The following GRM1 variants were observed in gnomAD, a reference collection of about 807,000 sequenced individuals.
GRM1 encodes glutamate metabotropic receptor 1.
In GRM1, 33 loss-of-function variants were observed where a neutral mutation model predicts 90.9. The ratio of observed to expected loss-of-function variants is 0.36; its 90% CI spans 0.28 to 0.49. GRM1 has a LOEUF of 0.49. GRM1 is among the 20% of genes least tolerant of loss of function. The probability of loss-of-function intolerance (pLI) is 0.99; values close to 1 mark genes in which losing one functional copy is unlikely to be tolerated. For missense variants in GRM1, 1,190 were observed against 1,534.3 expected (o/e 0.78, Z 3.75); for synonymous variants, 700 against 613.2 (o/e 1.14, Z -2.09).
chr6:146,126,960 A>C (rs1341284436), intron 1 of GRM1, among the ~76,000 whole-genome samples: 1 of 152,182 alleles, frequency 6.6e-6, no homozygotes, highest in African/African-American at 2.4e-5. Flanking sequence ...GCCTTTTAAA[A>C]TAAAAATATA....
At chr6:146,039,478 G>A (rs1198264462) in intron 1 of GRM1, among the ~76,000 whole-genome samples, 1 of 151,902 alleles carries the variant, frequency 6.6e-6, no homozygotes, top group African/African-American at 2.4e-5. Context: ...TACTTATCAA[G>A]CCAAGAAAAT....
At chr6:146,404,429 A>G (rs1450438379) in intron 7 of GRM1, among the ~76,000 whole-genome samples, 1 of 152,292 alleles carries the variant, frequency 6.6e-6, no homozygotes, top group Non-Finnish European at 1.5e-5. Flanking sequence ...TATGTGCCAT[A>G]GTAGAAAACC....
chr6:146,322,767 C>T (rs533317323), intron 3 of GRM1, among the ~76,000 whole-genome samples: 4 of 151,832 alleles, frequency 2.6e-5, no homozygotes, highest in Admixed American at 2.6e-4. Context: ...ACCCACCCCA[C>T]AGCAGTCCCC....
chr6:146,230,758 C>A lies in GRM1; in HGVS notation c.950+71161C>A, dbSNP rs183972352. On this transcript the variant is annotated intron_variant, in intron 2 of 7. Coordinates refer to ENST00000282753, the MANE Select transcript of GRM1 (RefSeq NM_001278064.2). ...ATTTATAATTACCAAATCTTGGAAG[C>A]AATCAAGATGTCTTTTGTAGTGAAT... Among the ~76,000 whole-genome samples the A allele has an allele frequency of 4.5e-4, 69 of 152,188 alleles. No individual in the cohort carries two copies. The East Asian group carries it at 0.013, about 28-fold the overall frequency.
At chr6:146,369,654 G>T (rs1317701082) in intron 5 of GRM1, among the ~76,000 whole-genome samples, 1 of 151,666 alleles carries the variant, frequency 6.6e-6, no homozygotes, top group Non-Finnish European at 1.5e-5. Context: ...ATTGATTTCT[G>T]GTTTTATTCT....
At chr6:146,342,837 G>T (rs964481267) in intron 3 of GRM1, among the ~76,000 whole-genome samples, 2 of 152,188 alleles carry the variant, frequency 1.3e-5, no homozygotes. Flanking sequence ...AGATAGCACA[G>T]AGTTCTTGTA....
At chr6:146,046,896 A>G (rs778935533) in intron 1 of GRM1, among the ~76,000 whole-genome samples, 1 of 152,006 alleles carries the variant, frequency 6.6e-6, no homozygotes, top group East Asian at 1.9e-4. Flanking sequence ...GGGACAGGTT[A>G]CTTCCAGTAG....
intron 1 of GRM1, among the ~76,000 whole-genome samples, chr6:146,087,617 C>T (rs1330089322): frequency 6.6e-6 from 1 of 152,132 alleles, no homozygotes; most frequent in Non-Finnish European, 1.5e-5. Flanking sequence ...CATCTCTAAC[C>T]CCAGGCAACC....
chr6:146,233,425 C>G (rs1006551037), intron 2 of GRM1, among the ~76,000 whole-genome samples: 1 of 151,882 alleles, frequency 6.6e-6, no homozygotes, highest in Non-Finnish European at 1.5e-5. Context: ...TCTTTTTTTT[C>G]CCAGAGAGCT....
At chr6:146,068,499 G>C (rs1275787767) in intron 1 of GRM1, among the ~76,000 whole-genome samples, 1 of 151,936 alleles carries the variant, frequency 6.6e-6, no homozygotes, top group Admixed American at 6.6e-5. Flanking sequence ...ATTCTCCTGA[G>C]GGTAAAACTA....
chr6:146,114,695 G>T (rs754047125), intron 1 of GRM1, among the ~76,000 whole-genome samples: 19 of 152,204 alleles, frequency 1.2e-4, no homozygotes, highest in Admixed American at 1.0e-3. Flanking sequence ...CATCAGACTG[G>T]ATAGAAAGGA....
chr6:146,397,813 G>C (rs181354896), intron 6 of GRM1, among the ~76,000 whole-genome samples: 1 of 152,300 alleles, frequency 6.6e-6, no homozygotes, highest in Admixed American at 6.5e-5. Flanking sequence ...GAGGCAAGTT[G>C]TTGATTGACT....
intron 1 of GRM1, among the ~76,000 whole-genome samples, chr6:146,080,327 G>T (rs1478153307): frequency 6.6e-6 from 1 of 152,096 alleles, no homozygotes; most frequent in Non-Finnish European, 1.5e-5. Context: ...TTCTGAATAT[G>T]CTGTCTTCTG....
At chr6:146,084,703 T>C (rs939064695) in intron 1 of GRM1, among the ~76,000 whole-genome samples, 2 of 152,212 alleles carry the variant, frequency 1.3e-5, no homozygotes, top group African/African-American at 2.4e-5. Context: ...CTGGGAAGAA[T>C]GCATATTCTG....
At chr6:146,204,920 TC>T (rs201196268) in intron 2 of GRM1, among the ~76,000 whole-genome samples, 2,003 of 152,312 alleles carry the variant, frequency 0.013, 29 homozygotes, top group Middle Eastern at 0.031. Context: ...AGATATATCC[TC>T]ACATTCTATG....
intron 1 of GRM1, among the ~76,000 whole-genome samples, chr6:146,106,667 A>G (rs1443291298): frequency 6.6e-6 from 1 of 152,250 alleles, no homozygotes; most frequent in Non-Finnish European, 1.5e-5. Flanking sequence ...CTTTATAGCC[A>G]TTGACCTTCC....
chr6:146,288,728 A>G (rs1782860706), intron 2 of GRM1, among the ~76,000 whole-genome samples: 1 of 151,762 alleles, frequency 6.6e-6, no homozygotes, highest in Non-Finnish European at 1.5e-5. Context: ...GTGGTCTCCA[A>G]CTCCTGACCT....
At chr6:146,253,063 A>AC (rs1305276235) in intron 2 of GRM1, among the ~76,000 whole-genome samples, 1 of 152,116 alleles carries the variant, frequency 6.6e-6, no homozygotes, top group Non-Finnish European at 1.5e-5. Context: ...CATCTCAAAA[A>AC]AAAAATTGAT....
At chr6:146,169,001 A>G (rs141961706) in intron 2 of GRM1, among the ~76,000 whole-genome samples, 1 of 152,212 alleles carries the variant, frequency 6.6e-6, no homozygotes, top group Admixed American at 6.5e-5. Context: ...AAAAATGGCC[A>G]TTATTTCTTC....
Sources: allele counts gnomAD v4.1 joint callset (sites outside exome capture counted in the v4.1 genomes callset), GRCh38; gene constraint gnomAD v4.1.1; transcripts MANE v1.5; gene names NCBI Gene and HGNC (gene_info 2026-07-23, HGNC 2026-07-21).